The following GAN variants were observed in gnomAD, a reference collection of about 807,000 sequenced individuals.
GAN encodes the protein epididymis secretory sperm binding protein.
A neutral mutation model predicts 71.3 loss-of-function variants in GAN; 48 were observed. That is an observed-to-expected ratio of 0.67 (90% confidence interval 0.53 to 0.86). The LOEUF is 0.86. Ranked by LOEUF, GAN falls within the 40% of genes least tolerant of loss-of-function variation. GAN has a pLI of 0.00. For missense variants in GAN, 928 were observed against 770.1 expected, an observed-to-expected ratio of 1.21 and a Z score of -2.43; for synonymous variants, 386 against 276.8, an observed-to-expected ratio of 1.39 and a Z score of -3.92.
chr16:81,343,413 T>C (rs534479580), intron 1 of GAN, among the ~76,000 whole-genome samples: 3 of 152,190 alleles, frequency 2.0e-5, no homozygotes, highest in Non-Finnish European at 1.5e-5. Flanking sequence ...AGAAAGCTTA[T>C]CCACCACGAT....
intron 1 of GAN, among the ~76,000 whole-genome samples, chr16:81,318,171 G>C (rs1039460125): frequency 3.3e-5 from 5 of 152,166 alleles, no homozygotes; most frequent in Non-Finnish European, 5.9e-5. Flanking sequence ...ATATATTTAT[G>C]TATTCTAGAA....
intron 9 of GAN, among the ~76,000 whole-genome samples, chr16:81,369,815 C>G (rs553260097): frequency 6.6e-6 from 1 of 152,322 alleles, no homozygotes; most frequent in African/African-American, 2.4e-5. Context: ...CTTGATCTGC[C>G]CGCCTCGGCC....
chr16:81,344,401 G>C (rs1053947864), intron 1 of GAN, among the ~76,000 whole-genome samples: 1 of 152,158 alleles, frequency 6.6e-6, no homozygotes, highest in Non-Finnish European at 1.5e-5. Context: ...AAACAGCATG[G>C]TACTGGTACC....
At chr16:81,351,260 A>C (rs1402814812) in intron 1 of GAN, among the ~76,000 whole-genome samples, 1 of 152,208 alleles carries the variant, frequency 6.6e-6, no homozygotes, top group African/African-American at 2.4e-5. Context: ...AAGATTAATT[A>C]GAGAATTCAA....
chr16:81,369,461 A>T (rs537054300), intron 9 of GAN, among the ~76,000 whole-genome samples: 3 of 152,234 alleles, frequency 2.0e-5, no homozygotes, highest in Non-Finnish European at 2.9e-5. Context: ...AAAATCTTGG[A>T]AAATTTTTAT....
At chr16:81,327,629 T>C (rs1909432976) in intron 1 of GAN, among the ~76,000 whole-genome samples, 1 of 150,210 alleles carries the variant, frequency 6.7e-6, no homozygotes, top group Admixed American at 6.6e-5. Context: ...ATCTTCCTTG[T>C]AACTCTCTAC....
At chr16:81,341,335 A>G (rs1160747602) in intron 1 of GAN, among the ~76,000 whole-genome samples, 2 of 151,654 alleles carry the variant, frequency 1.3e-5, no homozygotes, top group Non-Finnish European at 3.0e-5. Flanking sequence ...CCCAAGACAC[A>G]TAGATTCACC....
In GAN at chr16:81,354,431, A is replaced by G. The variant is rs1323587637; in HGVS notation, c.309A>G (p.Gln103=). Residue 103 remains glutamine, a synonymous_variant, in exon 3 of 11, where the codon CAA becomes CAG. Coordinates refer to ENST00000648994, the MANE Select transcript of GAN (RefSeq NM_022041.4). ...TCAGGCTAAATGAAGATACAATCCAAGATGTTGTTCAGGCAGCTGACCTGC... is the reference window on the plus strand; with the variant it reads ...TCAGGCTAAATGAAGATACAATCCAGGATGTTGTTCAGGCAGCTGACCTGC... ...GQIRLNEDTI[Q]DVVQAADLLL... is the part of the protein sequence containing the mutation. 1.9e-6 allele frequency: 3 copies of G among 1,612,370 alleles called. No homozygotes were observed. Among genetic ancestry groups the G allele is most frequent in the Non-Finnish European group, 1.7e-6 (2 of 1,178,460 alleles).
intron 1 of GAN, among the ~76,000 whole-genome samples, chr16:81,330,247 G>A (rs1008828435): frequency 6.6e-6 from 1 of 151,792 alleles, no homozygotes; most frequent in African/African-American, 2.4e-5. Flanking sequence ...TTTCTAGAAT[G>A]TAATCGGATA....
intron 1 of GAN, among the ~76,000 whole-genome samples, chr16:81,347,488 G>T (rs1380212379): frequency 1.3e-5 from 2 of 152,032 alleles, no homozygotes; most frequent in African/African-American, 4.8e-5. Context: ...TGTTTGGATT[G>T]CATCTTGTTA....
rs576769388 is a variant in GAN at position 81,387,305 on chromosome 16, G to C, written c.*9709G>C. The C allele has an allele frequency of 6.6e-6, 1 of 152,176 alleles. No homozygotes were observed. Among genetic ancestry groups the C allele is most frequent in the Non-Finnish European group, 1.5e-5 (1 of 68,036 alleles). 9.4% of individuals were successfully genotyped at this position (152,176 alleles called of 1,614,324 possible). A position where few individuals can be genotyped will look rare whatever the true frequency, so the allele number is the denominator to read the frequency against. ...TTGATCATTTGAACATATGCCAGTT[G>C]TTTCTCCTGCCCTAGGGGAGGTTGG... On this transcript the variant is annotated 3_prime_UTR_variant, in exon 11 of 11. Transcript: ENST00000648994.
intron 1 of GAN, among the ~76,000 whole-genome samples, chr16:81,330,584 G>T (rs1224009395): frequency 6.6e-6 from 1 of 152,310 alleles, no homozygotes; most frequent in Non-Finnish European, 1.5e-5. Context: ...TCTTATAAAA[G>T]AATTTCAATT....
In GAN at chr16:81,382,516, C is replaced by G. The variant is rs1320815798; in HGVS notation, c.*4920C>G. 6.6e-6 allele frequency: 1 copy of G among 152,186 alleles called. No homozygotes were observed. Among genetic ancestry groups the G allele is most frequent in the African/African-American group, 2.4e-5 (1 of 41,446 alleles). The allele number at this position is 152,186 out of a possible 1,614,324, so 9.4% of individuals were successfully genotyped here. On this transcript the variant is annotated 3_prime_UTR_variant, in exon 11 of 11. Transcript: ENST00000648994. ...TTCAAAGAGCTTCATGTATACTTCC[C>G]TCTCTTATTCCATGTAATTAGTAAG...
chr16:81,374,771 G>C (rs546896636), intron 9 of GAN, among the ~76,000 whole-genome samples: 1 of 152,106 alleles, frequency 6.6e-6, no homozygotes, highest in Non-Finnish European at 1.5e-5. Flanking sequence ...TATTTTCTCT[G>C]CCTCAGCTCT....
At chr16:81,374,041 G>C (rs1567499856) in intron 9 of GAN, among the ~76,000 whole-genome samples, 1 of 152,152 alleles carries the variant, frequency 6.6e-6, no homozygotes, top group Admixed American at 6.5e-5. Flanking sequence ...GCACTCAGCA[G>C]GTGGTTCATT....
chr16:81,329,189 C>A (rs1471765428), intron 1 of GAN, among the ~76,000 whole-genome samples: 1 of 150,668 alleles, frequency 6.6e-6, no homozygotes, highest in Non-Finnish European at 1.5e-5. Flanking sequence ...CTTTTTTTTT[C>A]CTTCTCTCCT....
intron 1 of GAN, among the ~76,000 whole-genome samples, chr16:81,351,299 G>C (rs1910291669): frequency 6.6e-6 from 1 of 152,176 alleles, no homozygotes; most frequent in Non-Finnish European, 1.5e-5. Context: ...TAAAGGGACT[G>C]GGATTTCCAA....
At position 81,352,528 on chromosome 16, in the gene GAN, C is replaced by G. The variant is rs1480353387; in HGVS notation, c.282+831C>G. Among the ~76,000 whole-genome samples the G allele has an allele frequency of 4.6e-5, 7 of 152,266 alleles. No homozygotes were observed. In the South Asian group the frequency reaches 1.0e-3, roughly 23 times the overall value. ...ATTTCATCTTTATTCTTTCTGAGAT[C>G]TTGTTCCCTACTCTCTCCTTTATTC... is the stretch of plus-strand genomic sequence containing the variant. On this transcript the variant is annotated intron_variant, in intron 2 of 10. Transcript: ENST00000648994.
At chr16:81,332,616 C>T (rs191996365) in intron 1 of GAN, among the ~76,000 whole-genome samples, 4 of 152,208 alleles carry the variant, frequency 2.6e-5, no homozygotes, top group African/African-American at 9.7e-5. Context: ...CTGATTCTGC[C>T]TTCCCTTGTA....
Sources: allele counts gnomAD v4.1 joint callset (sites outside exome capture counted in the v4.1 genomes callset), GRCh38; gene constraint gnomAD v4.1.1; transcripts MANE v1.5; gene names NCBI Gene and HGNC (gene_info 2026-07-23, HGNC 2026-07-21).